Variants in ANO1 observed in about 807,000 individuals in gnomAD.
The protein encoded by ANO1 is anoctamin-1.
A neutral mutation model predicts 124.0 loss-of-function variants in ANO1; 59 were observed. That is an observed-to-expected ratio of 0.48 (90% CI 0.39 to 0.59). The LOEUF (loss-of-function observed/expected upper bound fraction) is 0.59. ANO1 is among the 20% of genes least tolerant of loss of function. The pLI, the probability that ANO1 is intolerant of heterozygous loss-of-function variation, is 0.00. For missense variants in ANO1, 1,059 were observed against 1,328.0 expected, an observed-to-expected ratio of 0.80 and a Z score of 3.15; for synonymous variants, 529 against 532.0, an observed-to-expected ratio of 0.99 and a Z score of 0.08.
intron 1 of ANO1, among the ~76,000 whole-genome samples, chr11:69,997,678 T>C (rs1181086777): frequency 5.9e-5 from 9 of 152,222 alleles, no homozygotes; most frequent in Non-Finnish European, 1.0e-4. Context: ...GACTGGATCA[T>C]GGGGGCCGTT....
chr11:69,970,725 G>A, the ANO1 span, among the ~76,000 whole-genome samples: 1 of 152,236 alleles, frequency 6.6e-6, no homozygotes, highest in African/African-American at 2.4e-5. Context: ...AAGGGTGGAA[G>A]TTAATTTCTC....
At chr11:69,997,538 CCCCGT>C (rs782040471) in intron 1 of ANO1, among the ~76,000 whole-genome samples, 5 of 152,276 alleles carry the variant, frequency 3.3e-5, no homozygotes, top group Middle Eastern at 3.4e-3. Flanking sequence ...GCCACTCTCC[CCCCGT>C]CCCAACGGCA....
chr11:70,172,135 AAG>A (rs1403679977), intron 22 of ANO1, among the ~76,000 whole-genome samples: 3 of 141,634 alleles, frequency 2.1e-5, no homozygotes, highest in African/African-American at 2.6e-5. Context: ...AAAAAAAAAA[AAG>A]AAAAGAAAAG....
At chr11:70,163,528 T>C (rs983017953) in intron 19 of ANO1, 188 bp downstream of exon 19, 2 of 694,658 alleles carry the variant, frequency 2.9e-6, no homozygotes, top group African/African-American at 1.8e-5. Context: ...ATCTGGTGTG[T>C]TCATATAGAA....
intron 1 of ANO1, 99 bp downstream of exon 1, chr11:70,078,813 G>T: frequency 3.0e-6 from 2 of 677,804 alleles, no homozygotes. Context: ...GGACCCCAGG[G>T]CGGGGGCCGC....
chr11:70,032,396 C>T (rs949596428), intron 1 of ANO1, among the ~76,000 whole-genome samples: 20 of 152,094 alleles, frequency 1.3e-4, no homozygotes, highest in African/African-American at 4.8e-4. Context: ...GGGAATCTAC[C>T]TCAAAGGCCC....
At chr11:70,030,572 C>T (rs1157369129) in intron 1 of ANO1, among the ~76,000 whole-genome samples, 4 of 152,176 alleles carry the variant, frequency 2.6e-5, no homozygotes, top group African/African-American at 9.7e-5. Context: ...CTGGTGTCAG[C>T]GACGCTGGGC....
chr11:70,187,748 T>G lies in ANO1; in HGVS notation c.2705T>G (p.Met902Arg). 6.2e-7 allele frequency: 1 copy of G among 1,608,250 alleles called. No homozygotes were observed. ...AFVIVFQNLVMFMSDFVDWVI... is the reference protein window; with the variant it reads ...AFVIVFQNLVRFMSDFVDWVI... ...TGCCTCTCCTTCCAGAACCTGGTCA[T>G]GTTCATGAGCGACTTTGTGGACTGG... is the stretch of plus-strand genomic sequence containing the variant. Residue 902 changes from methionine (M) to arginine (R), a missense_variant, in exon 26 of 26, where the codon ATG becomes AGG. Transcript: ENST00000355303.
chr11:70,144,611 C>T (rs1319358310), intron 11 of ANO1, among the ~76,000 whole-genome samples: 5 of 152,234 alleles, frequency 3.3e-5, no homozygotes, highest in Non-Finnish European at 5.9e-5. Flanking sequence ...GACCATAGCC[C>T]AACTATCCGC....
At chr11:70,085,018 G>A (rs1590685111) in intron 1 of ANO1, among the ~76,000 whole-genome samples, 1 of 152,166 alleles carries the variant, frequency 6.6e-6, no homozygotes, top group South Asian at 2.1e-4. Context: ...CCGAGAAACA[G>A]CGTCACCCTT....
In ANO1 at chr11:70,155,909, A is replaced by T; in HGVS notation, c.1426-2A>T. 1 of 1,506,698 alleles carries T rather than the reference A, an allele frequency of 6.6e-7. No homozygotes were observed. The allele number at this position is 1,506,698 out of a possible 1,614,324, so 93.3% of individuals were successfully genotyped here. On this transcript the variant is annotated splice_acceptor_variant, in intron 14 of 25. Transcript: ENST00000355303. LOFTEE classifies it high-confidence loss of function. ...TGCTCTCTTTCCCCCACCCCCCCTC[A>T]GAAGCGCCGGCATATTCCAGAGGAG...
intron 10 of ANO1, among the ~76,000 whole-genome samples, chr11:70,130,401 G>A (rs774854409): frequency 2.0e-5 from 3 of 152,156 alleles, no homozygotes; most frequent in African/African-American, 7.2e-5. Flanking sequence ...GATGAGAGCC[G>A]GCAGTGCTTG....
intron 8 of ANO1, among the ~76,000 whole-genome samples, chr11:70,116,766 C>T (rs2045992292): frequency 6.6e-6 from 1 of 152,206 alleles, no homozygotes; most frequent in Non-Finnish European, 1.5e-5. Flanking sequence ...GAAAGCTGTC[C>T]TCCCAGAGCC....
At chr11:70,036,341 G>T (rs1857093199) in intron 1 of ANO1, among the ~76,000 whole-genome samples, 1 of 152,118 alleles carries the variant, frequency 6.6e-6, no homozygotes, top group African/African-American at 2.4e-5. Flanking sequence ...CCCTGGATTT[G>T]GGGGTCACTT....
At chr11:70,077,936 TC>T (rs1197867664), upstream of ANO1, among the ~76,000 whole-genome samples, 2 of 151,556 alleles carry the variant, frequency 1.3e-5, no homozygotes, top group Admixed American at 6.6e-5. Flanking sequence ...CCAGGCAAGC[TC>T]CCCGGAGGAG....
chr11:69,966,981 C>T, the ANO1 span, among the ~76,000 whole-genome samples: 42 of 152,184 alleles, frequency 2.8e-4, 1 homozygote, highest in Admixed American at 2.5e-3. Flanking sequence ...AATTCTTCAT[C>T]TTAGGGGTGT....
chr11:70,108,306 A>G (rs2509182), intron 5 of ANO1, 47 bp from the exon 6 acceptor site: 1,569,048 of 1,581,146 alleles, frequency 0.99, 779,145 homozygotes, highest in East Asian at 1. Context: ...CTGCTCGTGG[A>G]AGGTGCCTTA....
At chr11:69,980,634 A>G in the ANO1 span, among the ~76,000 whole-genome samples, 1 of 152,020 alleles carries the variant, frequency 6.6e-6, no homozygotes, top group Admixed American at 6.5e-5. Flanking sequence ...AAAAACAAAA[A>G]ACTGTAGAGA....
intron 5 of ANO1, among the ~76,000 whole-genome samples, chr11:70,106,797 C>T (rs889222097): frequency 3.3e-5 from 5 of 152,232 alleles, no homozygotes; most frequent in Non-Finnish European, 1.5e-5. Flanking sequence ...CCACTCCTCT[C>T]CTCCACACCA....
Sources: allele counts gnomAD v4.1 joint callset (sites outside exome capture counted in the v4.1 genomes callset), GRCh38; gene constraint gnomAD v4.1.1; transcripts MANE v1.5; gene names NCBI Gene and HGNC (gene_info 2026-07-23, HGNC 2026-07-21).